SHISA6: variants seen among roughly 807,000 people sequenced by gnomAD.
SHISA6 encodes the protein shisa family member 6.
A neutral mutation model predicts 47.9 loss-of-function variants in SHISA6; 22 were observed. That is an observed-to-expected ratio of 0.46 (90% CI 0.33 to 0.66). SHISA6 has a LOEUF of 0.66. Among genes scored for constraint, SHISA6 ranks in the 30% least tolerant of loss-of-function variants. The pLI is 0.02. For synonymous variants in SHISA6, 388 were observed against 337.8 expected, an observed-to-expected ratio of 1.15 and a Z score of -1.63; for missense variants, 680 against 764.6, an observed-to-expected ratio of 0.89 and a Z score of 1.30.
intron 2 of SHISA6, among the ~76,000 whole-genome samples, chr17:11,333,147 A>G (rs1911189795): frequency 6.6e-6 from 1 of 152,072 alleles, no homozygotes; most frequent in South Asian, 2.1e-4. Flanking sequence ...ATTATAAGGA[A>G]TATTTAGGCC....
intron 2 of SHISA6, among the ~76,000 whole-genome samples, chr17:11,342,234 A>G (rs1450244805): frequency 6.6e-6 from 1 of 152,102 alleles, no homozygotes; most frequent in Non-Finnish European, 1.5e-5. Context: ...CTAAAACCAC[A>G]TAAATATTAA....
chr17:11,241,581 G>C lies in SHISA6; in HGVS notation c.159G>C (p.Arg53=). 8.8e-7 allele frequency: 1 copy of C among 1,140,130 alleles called. No homozygotes were observed. The highest frequency in any genetic ancestry group is 1.1e-6 in the Non-Finnish European group (1 of 932,112). The allele number at this position is 1,140,130 out of a possible 1,614,324, so 70.6% of individuals were successfully genotyped here. The change falls in exon 1 of 6, where the codon CGG becomes CGC. Residue 53 remains arginine, a synonymous_variant. Transcript: ENST00000441885. This position sits in a 1 kb window ranked among gnomAD's most constrained non-coding sequence, Gnocchi z 5.5. ...GGAGGGCCGGGGGCGCCCTGGCACGGGGCGGCCGCGAGCTGAACGGCACCG... is the reference window on the plus strand; with the variant it reads ...GGAGGGCCGGGGGCGCCCTGGCACGCGGCGGCCGCGAGCTGAACGGCACCG... The part of the protein sequence containing the change: ...GGRRAGGALA[R]GGRELNGTAR...
At chr17:11,324,528 T>G (rs930332421) in intron 2 of SHISA6, among the ~76,000 whole-genome samples, 11 of 152,066 alleles carry the variant, frequency 7.2e-5, no homozygotes, top group African/African-American at 2.7e-4. Context: ...GCTCTTTTCC[T>G]TCATGGAAAT....
chr17:11,546,302 G>A (rs2071883385), intron 3 of SHISA6, among the ~76,000 whole-genome samples: 1 of 152,148 alleles, frequency 6.6e-6, no homozygotes, highest in Non-Finnish European at 1.5e-5. Flanking sequence ...TAGTAGCCCT[G>A]ACACCTGGGG....
In SHISA6 at chr17:11,373,197, T is replaced by G. The variant is rs543148584; in HGVS notation, c.800-6217T>G. On this transcript the variant is annotated intron_variant, in intron 2 of 5. Coordinates refer to ENST00000441885, the MANE Select transcript of SHISA6 (RefSeq NM_207386.4). The stretch of plus-strand genomic sequence containing the variant: ...GTGGATTTTTTCATCAGGTCTATTT[T>G]AATTCTCCCATCTATGGTGACTCGT... 3.3e-5 allele frequency among the ~76,000 whole-genome samples: 5 copies of G among 152,160 alleles called. No individual in the cohort carries two copies. The East Asian group carries it at 9.6e-4, about 29-fold the overall frequency.
rs535761473 is a variant in SHISA6 at position 11,348,843 on chromosome 17, G to A, written c.800-30571G>A. The stretch of plus-strand genomic sequence containing the variant: ...CACTTTCAAACCACATAATTATCTT[G>A]TGAAGCATTTATATTCTTCCCACTG... On this transcript the variant is annotated intron_variant, in intron 2 of 5. Transcript: ENST00000441885. Among the ~76,000 whole-genome samples, 39 of 152,270 alleles carry A rather than the reference G, an allele frequency of 2.6e-4. 1 individual carries two copies. In the South Asian group the frequency reaches 6.8e-3, roughly 27 times the overall value.
chr17:11,247,266 TAAAAGGGAACCAC>T (rs1314091313), intron 1 of SHISA6, among the ~76,000 whole-genome samples: 9 of 152,238 alleles, frequency 5.9e-5, no homozygotes, highest in Admixed American at 3.9e-4. Flanking sequence ...GGATCCGGAA[TAAAAGGGAACCAC>T]AACAAAAGAA....
At chr17:11,419,240 A>G (rs977734352) in intron 3 of SHISA6, among the ~76,000 whole-genome samples, 4 of 152,060 alleles carry the variant, frequency 2.6e-5, no homozygotes, top group African/African-American at 7.2e-5. Context: ...AAAAAAGAAA[A>G]AAGAAAAAAA....
At chr17:11,556,014 T>G in intron 5 of SHISA6, 122 bp downstream of exon 5, 1 of 1,235,018 alleles carries the variant, frequency 8.1e-7, no homozygotes, top group Non-Finnish European at 1.1e-6. Context: ...AAAGAAGGAG[T>G]TGCAGGATGA....
intron 3 of SHISA6, among the ~76,000 whole-genome samples, chr17:11,523,486 C>G (rs914301990): frequency 6.6e-6 from 1 of 152,126 alleles, no homozygotes; most frequent in Non-Finnish European, 1.5e-5. Flanking sequence ...TTGTACAAAG[C>G]TGGAGCCAGA....
chr17:11,364,920 C>G (rs994313689), intron 2 of SHISA6, among the ~76,000 whole-genome samples: 1 of 152,114 alleles, frequency 6.6e-6, no homozygotes, highest in Non-Finnish European at 1.5e-5. Flanking sequence ...TATTACATTA[C>G]AGTTAAAAGT....
chr17:11,334,883 A>T (rs1179952679), intron 2 of SHISA6, among the ~76,000 whole-genome samples: 2 of 152,132 alleles, frequency 1.3e-5, no homozygotes, highest in African/African-American at 4.8e-5. Flanking sequence ...AGGGTGTGTT[A>T]TAGGGCCACC....
At chr17:11,332,863 C>G (rs73297353) in intron 2 of SHISA6, among the ~76,000 whole-genome samples, 2 of 151,970 alleles carry the variant, frequency 1.3e-5, no homozygotes, top group African/African-American at 4.8e-5. Context: ...GGAAGCCTGC[C>G]GAACCCCTGG....
chr17:11,340,809 G>A (rs1331288187), intron 2 of SHISA6, among the ~76,000 whole-genome samples: 1 of 152,222 alleles, frequency 6.6e-6, no homozygotes, highest in Non-Finnish European at 1.5e-5. Flanking sequence ...TAGAATAGTG[G>A]ACACTGCAGT....
intron 3 of SHISA6, among the ~76,000 whole-genome samples, chr17:11,480,997 G>A (rs886648581): frequency 1.3e-5 from 2 of 152,158 alleles, no homozygotes; most frequent in Non-Finnish European, 2.9e-5. Flanking sequence ...GATATTTAGA[G>A]GCCAGGTGTG....
At chr17:11,396,734 G>T (rs556737834) in intron 3 of SHISA6, among the ~76,000 whole-genome samples, 2 of 152,230 alleles carry the variant, frequency 1.3e-5, no homozygotes, top group South Asian at 4.2e-4. Context: ...ACACACCAGG[G>T]CCTGTTGGGG....
chr17:11,356,271 T>C (rs1912076020), intron 2 of SHISA6, among the ~76,000 whole-genome samples: 1 of 152,138 alleles, frequency 6.6e-6, no homozygotes. Context: ...AAGCATAAGT[T>C]AGAAGCAGCA....
At chr17:11,279,504 G>A (rs1024913880) in intron 2 of SHISA6, among the ~76,000 whole-genome samples, 8 of 152,014 alleles carry the variant, frequency 5.3e-5, no homozygotes, top group Non-Finnish European at 7.4e-5. Flanking sequence ...TTTCAGGACC[G>A]GAAACTCTGC....
At chr17:11,370,415 T>A (rs186543369) in intron 2 of SHISA6, among the ~76,000 whole-genome samples, 72 of 152,320 alleles carry the variant, frequency 4.7e-4, no homozygotes, top group African/African-American at 1.7e-3. Context: ...GATCCCATAT[T>A]TACGTTTTTG....
Sources: allele counts gnomAD v4.1 joint callset (sites outside exome capture counted in the v4.1 genomes callset), GRCh38; gene constraint gnomAD v4.1.1; non-coding constraint Gnocchi (gnomAD v3.1); transcripts MANE v1.5; gene names NCBI Gene and HGNC (gene_info 2026-07-23, HGNC 2026-07-21).